Variants in MARK2 observed in about 807,000 individuals in gnomAD.
MARK2 encodes the protein serine/threonine-protein kinase MARK2.
MARK2 carries 16 observed loss-of-function variants against 89.8 expected under a neutral mutation model. That is an observed-to-expected ratio of 0.18 (90% confidence interval 0.12 to 0.27). The LOEUF (loss-of-function observed/expected upper bound fraction) is 0.27, where lower values mean the gene tolerates loss of function less well. Ranked by LOEUF, MARK2 falls within the 10% of genes least tolerant of loss-of-function variation. The pLI is 1.00. For synonymous variants in MARK2, 382 were observed against 399.5 expected (o/e 0.96, Z 0.52); for missense variants, 621 against 1,049.9 (o/e 0.59, Z 5.65).
At chr11:63,841,293 A>G (rs990041872) in intron 1 of MARK2, among the ~76,000 whole-genome samples, 3 of 152,208 alleles carry the variant, frequency 2.0e-5, no homozygotes, top group Non-Finnish European at 2.9e-5. Flanking sequence ...GGAACTAAAG[A>G]GAAGTTCTAG....
chr11:63,908,741 A>G (rs1244541133), intron 18 of MARK2, 136 bp from the exon 19 acceptor site: 4 of 831,314 alleles, frequency 4.8e-6, no homozygotes, highest in Non-Finnish European at 6.9e-6. Context: ...CCGCCCCCGC[A>G]GGCCAGGGGC....
chr11:63,899,751 T>C, intron 7 of MARK2, 123 bp from the exon 8 acceptor site: 1 of 722,060 alleles, frequency 1.4e-6, no homozygotes. Flanking sequence ...CTGAAATTGG[T>C]GGAGAAAGTT....
intron 1 of MARK2, among the ~76,000 whole-genome samples, chr11:63,865,640 C>T (rs1246357040): frequency 6.6e-6 from 1 of 152,194 alleles, no homozygotes; most frequent in Admixed American, 6.5e-5. Context: ...GGGCTCTGCC[C>T]TTCTGTACTT....
chr11:63,890,469 G>C (rs1039881240), intron 1 of MARK2, among the ~76,000 whole-genome samples: 1 of 152,186 alleles, frequency 6.6e-6, no homozygotes, highest in African/African-American at 2.4e-5. Flanking sequence ...GATACCCAGC[G>C]TGGGACCAGC....
At chr11:63,906,564 C>T (rs1277475315) in intron 17 of MARK2, among the ~76,000 whole-genome samples, 5 of 146,862 alleles carry the variant, frequency 3.4e-5, no homozygotes, top group Admixed American at 7.0e-5. Flanking sequence ...CATGTGCATG[C>T]GCTATGAGGA....
At chr11:63,842,457 C>T (rs957443079) in intron 1 of MARK2, among the ~76,000 whole-genome samples, 4 of 151,970 alleles carry the variant, frequency 2.6e-5, no homozygotes, top group East Asian at 3.9e-4. Flanking sequence ...CCTCGTGATC[C>T]GGCCTCCCAA....
chr11:63,895,657 CCTTTTTTTTT>C, intron 3 of MARK2, 24 bp downstream of exon 3: 1 of 1,420,772 alleles, frequency 7.0e-7, no homozygotes, highest in Non-Finnish European at 9.6e-7. Flanking sequence ...ACCTCCTGTC[CCTTTTTTTTT>C]TTTTTTTTTT....
Position 63,909,195 on chromosome 11 carries a change from C to T in MARK2, c.2325C>T (p.Phe775=), listed in dbSNP as rs145462100. 2.3e-4 allele frequency: 361 copies of T among 1,600,362 alleles called. No individual in the cohort carries two copies. The highest frequency in any genetic ancestry group is 2.8e-4 in the Admixed American group (17 of 59,660). ...GGATATCGGGCACCTCCATGGCCTT[C>T]AAAAACATTGCCTCCAAAATAGCCA... is the stretch of plus-strand genomic sequence containing the variant. ...FKRISGTSMA[F]KNIASKIANE... is the part of the protein sequence containing the mutation. The change falls in exon 19 of 19, where the codon TTC becomes TTT. Residue 775 remains phenylalanine, a synonymous_variant. Transcript: ENST00000402010.
chr11:63,901,219 C>T, intron 11 of MARK2, 150 bp downstream of exon 11: 1 of 632,710 alleles, frequency 1.6e-6, no homozygotes, highest in East Asian at 2.7e-5. Context: ...TGTCTAAGGT[C>T]CTCTGGCCCA....
chr11:63,895,686 T>TTTTTTTTAA, intron 3 of MARK2, 53 bp downstream of exon 3: 1 of 1,059,840 alleles, frequency 9.4e-7, no homozygotes, highest in Non-Finnish European at 1.3e-6. Flanking sequence ...TTTTTTTTTT[T>TTTTTTTTAA]GAGTCAGAGC....
intron 17 of MARK2, among the ~76,000 whole-genome samples, chr11:63,907,744 T>A (rs966578693): frequency 2.0e-5 from 3 of 152,048 alleles, no homozygotes; most frequent in African/African-American, 7.3e-5. Context: ...GCACTTTGAG[T>A]CTCCTGACAG....
intron 1 of MARK2, among the ~76,000 whole-genome samples, chr11:63,872,330 T>C (rs1012425003): frequency 6.6e-6 from 1 of 152,148 alleles, no homozygotes; most frequent in Admixed American, 6.5e-5. Flanking sequence ...CCCTCACAAG[T>C]GCTTGGAGTG....
chr11:63,910,970 TA>T lies in MARK2; in HGVS notation c.*1734del, dbSNP rs1199548307. On this transcript the variant is annotated 3_prime_UTR_variant, in exon 19 of 19. Coordinates refer to ENST00000402010, the MANE Select transcript of MARK2 (RefSeq NM_001039469.3). ...GCCCCCTCCTCCCCAACCCTGCACTTAGTTTCTCCTCTGGATCAAACACGTA... is the reference window on the plus strand; with the variant it reads ...GCCCCCTCCTCCCCAACCCTGCACTTGTTTCTCCTCTGGATCAAACACGTA... 1 of 152,342 alleles carries T rather than the reference TA, an allele frequency of 6.6e-6. No individual in the cohort carries two copies. The highest frequency in any genetic ancestry group is 1.5e-5 in the Non-Finnish European group (1 of 68,090). 9.4% of individuals were successfully genotyped at this position (152,342 alleles called of 1,614,324 possible).
intron 1 of MARK2, among the ~76,000 whole-genome samples, chr11:63,856,412 A>C (rs576868568): frequency 8.8e-4 from 80 of 90,682 alleles, no homozygotes; most frequent in Non-Finnish European, 1.5e-3. Context: ...TTTCCCTTTT[A>C]ATTTCTTTAT....
intron 1 of MARK2, among the ~76,000 whole-genome samples, chr11:63,843,991 C>T (rs1197026353): frequency 1.3e-5 from 2 of 152,128 alleles, no homozygotes; most frequent in Non-Finnish European, 2.9e-5. Context: ...TCACTCTGTC[C>T]TTTGATTCTG....
At chr11:63,908,768 T>TGCTCCCTCCC (rs1231385738) in intron 18 of MARK2, 109 bp from the exon 19 acceptor site, 3 of 1,175,602 alleles carry the variant, frequency 2.6e-6, no homozygotes, top group Non-Finnish European at 3.4e-6. Context: ...TGGCTGCTCC[T>TGCTCCCTCCC]GCTCCCTCCC....
Position 63,873,110 on chromosome 11 carries a change from G to C in MARK2, c.55-22049G>C, listed in dbSNP as rs546124928. 3.9e-5 allele frequency among the ~76,000 whole-genome samples: 6 copies of C among 152,134 alleles called. No homozygotes were observed. The South Asian group carries it at 1.0e-3, about 26-fold the overall frequency. ...TTACTGGAGACCAGTCTCCTTAGGG[G>C]TGATGGTGACCCAGCTAGATGTCTG... On this transcript the variant is annotated intron_variant, in intron 1 of 18. Transcript: ENST00000402010.
chr11:63,900,886 C>T lies in MARK2; in HGVS notation c.988+7C>T, dbSNP rs770498262. ...AAGGACCCCCGGCGGACAGGTGAGG[C>T]TGTGCCGGGCTGTGAGGTTAAGCTT... On this transcript the variant is annotated splice_region_variant and intron_variant, in intron 10 of 18. Coordinates refer to ENST00000402010, the MANE Select transcript of MARK2 (RefSeq NM_001039469.3). The surrounding 1 kb of genome is among the most constrained non-coding windows in gnomAD (Gnocchi z 4.7). The T allele has an allele frequency of 1.2e-5, 19 of 1,613,732 alleles. No homozygotes were observed. The highest frequency in any genetic ancestry group is 1.4e-5 in the Non-Finnish European group (17 of 1,179,592).
chr11:63,845,533 T>G (rs1449497642), intron 1 of MARK2, among the ~76,000 whole-genome samples: 2 of 152,190 alleles, frequency 1.3e-5, no homozygotes, highest in Non-Finnish European at 2.9e-5. Context: ...AAGTGTTGTC[T>G]ATGCATTTTC....
Sources: allele counts gnomAD v4.1 joint callset (sites outside exome capture counted in the v4.1 genomes callset), GRCh38; gene constraint gnomAD v4.1.1; non-coding constraint Gnocchi (gnomAD v3.1); transcripts MANE v1.5; gene names NCBI Gene and HGNC (gene_info 2026-07-23, HGNC 2026-07-21).